Variants in PARD6G observed in about 807,000 individuals in gnomAD.
The protein encoded by PARD6G is par-6 family cell polarity regulator gamma.
Under a neutral mutation model 10.7 loss-of-function variants are expected in PARD6G, and 7 were observed. The observed-to-expected ratio is 0.66, with a 90% CI of 0.37 to 1.23. The LOEUF (loss-of-function observed/expected upper bound fraction) is 1.23, where lower values mean the gene tolerates loss of function less well. Ranked by LOEUF, PARD6G falls within the 50% of genes most tolerant of loss-of-function variation. The probability of loss-of-function intolerance (pLI) is 0.02; values close to 1 mark genes in which losing one functional copy is unlikely to be tolerated. For missense variants in PARD6G, 548 were observed against 571.8 expected, an observed-to-expected ratio of 0.96 and a Z score of 0.42; for synonymous variants, 287 against 269.4, an observed-to-expected ratio of 1.07 and a Z score of -0.64.
chr18:80,241,031 G>C (rs960378430), intron 1 of PARD6G, among the ~76,000 whole-genome samples: 7 of 152,160 alleles, frequency 4.6e-5, no homozygotes, highest in African/African-American at 1.7e-4. Flanking sequence ...AGGACTTCCC[G>C]TGAGGCCATG....
intron 2 of PARD6G, among the ~76,000 whole-genome samples, chr18:80,197,123 G>A (rs539132856): frequency 1.1e-4 from 16 of 152,222 alleles, no homozygotes; most frequent in Middle Eastern, 3.4e-3. Flanking sequence ...GGCGGTGTCC[G>A]AGGAAAGAGA....
At chr18:80,194,766 A>T (rs142041095) in intron 2 of PARD6G, among the ~76,000 whole-genome samples, 5 of 152,286 alleles carry the variant, frequency 3.3e-5, no homozygotes, top group African/African-American at 1.2e-4. Flanking sequence ...AAGGATGTGA[A>T]CTAGGAAAGA....
At chr18:80,162,329 C>T (rs748743740) in intron 2 of PARD6G, 3 of 153,308 alleles carry the variant, frequency 2.0e-5, no homozygotes, top group Admixed American at 6.5e-5. Flanking sequence ...CATTGTATGC[C>T]TGTATCAAAA....
At chr18:80,194,729 G>A (rs985947563) in intron 2 of PARD6G, among the ~76,000 whole-genome samples, 2 of 152,100 alleles carry the variant, frequency 1.3e-5, no homozygotes, top group Admixed American at 6.6e-5. Context: ...AAGTAACAAT[G>A]GTAACAGAGG....
intron 1 of PARD6G, among the ~76,000 whole-genome samples, chr18:80,245,518 G>A (rs1967534313): frequency 3.9e-5 from 6 of 152,152 alleles, no homozygotes; most frequent in Admixed American, 3.9e-4. Context: ...GCTAAGGTCT[G>A]TGTCCAGGAT....
intron 2 of PARD6G, among the ~76,000 whole-genome samples, chr18:80,166,760 GCCCTCCCTGCAGA>G (rs2052738908): frequency 6.6e-6 from 1 of 151,510 alleles, no homozygotes; most frequent in Middle Eastern, 3.2e-3. Context: ...GGAGTGCATA[GCCCTCCCTGCAGA>G]CCAGGAAGGT....
intron 1 of PARD6G, among the ~76,000 whole-genome samples, chr18:80,227,876 C>A (rs1879102): frequency 7.0e-6 from 1 of 142,394 alleles, no homozygotes; most frequent in Non-Finnish European, 1.5e-5. Flanking sequence ...ATTCACGAGA[C>A]GTCAACCCCG....
At chr18:80,209,747 G>A (rs1377494044) in intron 1 of PARD6G, among the ~76,000 whole-genome samples, 1 of 152,216 alleles carries the variant, frequency 6.6e-6, no homozygotes, top group East Asian at 1.9e-4. Flanking sequence ...GGGATGTGGA[G>A]TCTGCAGTGA....
chr18:80,195,072 T>C (rs1462843752), intron 2 of PARD6G, among the ~76,000 whole-genome samples: 2 of 152,152 alleles, frequency 1.3e-5, no homozygotes, highest in South Asian at 2.1e-4. Flanking sequence ...GAGATGATCA[T>C]TGGCCTAATA....
At chr18:80,195,811 G>A (rs1966951613) in intron 2 of PARD6G, among the ~76,000 whole-genome samples, 2 of 150,594 alleles carry the variant, frequency 1.3e-5, no homozygotes, top group Non-Finnish European at 1.5e-5. Flanking sequence ...GGAGGTGGCC[G>A]TGTCAGTGAG....
intron 1 of PARD6G, among the ~76,000 whole-genome samples, chr18:80,215,492 T>A (rs1233620423): frequency 6.6e-6 from 1 of 152,122 alleles, no homozygotes; most frequent in Non-Finnish European, 1.5e-5. Flanking sequence ...ATACCACAAA[T>A]AATAGGGATG....
rs2052663272 is a variant in PARD6G at position 80,157,455 on chromosome 18, C to T, written c.*2316G>A. On this transcript the variant is annotated 3_prime_UTR_variant, in exon 3 of 3. Transcript: ENST00000353265. ...AAGCCTCATTTCTTAAAAAAAAACT[C>T]ACATTTGCTTAACAACTTAAAATGT... is the stretch of plus-strand genomic sequence containing the variant. 6.6e-6 allele frequency: 1 copy of T among 152,158 alleles called. No homozygotes were observed. Among genetic ancestry groups the T allele is most frequent in the Admixed American group, 6.5e-5 (1 of 15,278 alleles). 9.4% of individuals were successfully genotyped at this position (152,158 alleles called of 1,614,324 possible).
intron 2 of PARD6G, among the ~76,000 whole-genome samples, chr18:80,172,109 A>G (rs757546477): frequency 1.3e-5 from 2 of 152,120 alleles, no homozygotes; most frequent in Non-Finnish European, 2.9e-5. Context: ...GAACTGCCAG[A>G]CTGTTTTCTA....
Position 80,182,322 on chromosome 18 carries a change from C to A in PARD6G, c.295+20388G>T, listed in dbSNP as rs2052852391. Among the ~76,000 whole-genome samples, 1 of 152,228 alleles carries A rather than the reference C, an allele frequency of 6.6e-6. No homozygotes were observed. Among genetic ancestry groups the A allele is most frequent in the African/African-American group, 2.4e-5 (1 of 41,460 alleles). On this transcript the variant is annotated intron_variant, in intron 2 of 2. Transcript: ENST00000353265. The surrounding 1 kb of genome is among the most constrained non-coding windows in gnomAD (Gnocchi z 4.5). The stretch of plus-strand genomic sequence containing the variant: ...CCTGTGTGCCTGAAGGCAGCTCCTG[C>A]CCCCAGTATCCACAAGGAGGGACAA...
chr18:80,177,086 A>G (rs868496027), intron 2 of PARD6G, among the ~76,000 whole-genome samples: 64 of 150,396 alleles, frequency 4.3e-4, no homozygotes, highest in African/African-American at 1.4e-3. Context: ...AAGCGCGCAC[A>G]CACACACACA....
chr18:80,213,893 G>T (rs1967132511), intron 1 of PARD6G, among the ~76,000 whole-genome samples: 1 of 145,234 alleles, frequency 6.9e-6, no homozygotes, highest in Admixed American at 7.1e-5. Flanking sequence ...GGAAGGCAGA[G>T]CTTGCAATGA....
intron 1 of PARD6G, among the ~76,000 whole-genome samples, chr18:80,226,967 G>A (rs1250379137): frequency 1.3e-5 from 2 of 152,144 alleles, no homozygotes; most frequent in East Asian, 3.8e-4. Flanking sequence ...CAGAGTTTTT[G>A]TTTATTTGCT....
At chr18:80,216,339 G>C (rs1345774176) in intron 1 of PARD6G, among the ~76,000 whole-genome samples, 1 of 152,068 alleles carries the variant, frequency 6.6e-6, no homozygotes, top group Non-Finnish European at 1.5e-5. Flanking sequence ...AAGTACACAT[G>C]AAACATTCTC....
At chr18:80,176,864 C>T (rs911644849) in intron 2 of PARD6G, among the ~76,000 whole-genome samples, 1 of 152,124 alleles carries the variant, frequency 6.6e-6, no homozygotes. Flanking sequence ...CACACATGCA[C>T]GGGATAAGTC....
Sources: allele counts gnomAD v4.1 joint callset (sites outside exome capture counted in the v4.1 genomes callset), GRCh38; gene constraint gnomAD v4.1.1; non-coding constraint Gnocchi (gnomAD v3.1); transcripts MANE v1.5; gene names NCBI Gene and HGNC (gene_info 2026-07-23, HGNC 2026-07-21).